KRT75: variants seen among roughly 807,000 people sequenced by gnomAD.
KRT75 encodes keratin, type II cytoskeletal 75.
A neutral mutation model predicts 48.8 loss-of-function variants in KRT75; 35 were observed. The observed-to-expected ratio is 0.72, with a 90% CI of 0.55 to 0.95. The LOEUF is 0.95. Among genes scored for constraint, KRT75 ranks in the 40% least tolerant of loss-of-function variants. The pLI, the probability that KRT75 is intolerant of heterozygous loss-of-function variation, is 0.00. For missense variants in KRT75, 776 were observed against 709.9 expected (o/e 1.09, Z -1.06); for synonymous variants, 301 against 282.3 (o/e 1.07, Z -0.66).
chr12:52,428,571 A>G, intron 6 of KRT75, 47 bp downstream of exon 6: 1 of 1,614,158 alleles, frequency 6.2e-7, no homozygotes, highest in South Asian at 1.1e-5. Context: ...AGAAAGGCCC[A>G]GAAGAAATGA....
intron 5 of KRT75, among the ~76,000 whole-genome samples, chr12:52,429,680 G>A (rs764328919): frequency 2.6e-5 from 4 of 152,070 alleles, no homozygotes; most frequent in Non-Finnish European, 4.4e-5. Flanking sequence ...TCCTTTCACC[G>A]TCAAGGCGCT....
intron 7 of KRT75, 91 bp from the exon 8 acceptor site, chr12:52,426,942 G>A: frequency 9.3e-7 from 1 of 1,075,598 alleles, no homozygotes; most frequent in Non-Finnish European, 1.4e-6. Flanking sequence ...TGTTGACAAA[G>A]CATTTAAACA....
chr12:52,431,226 G>A (rs1274056784), intron 4 of KRT75, among the ~76,000 whole-genome samples: 2 of 152,066 alleles, frequency 1.3e-5, no homozygotes, highest in African/African-American at 4.8e-5. Context: ...TCAGGGAAGG[G>A]GAAGGGAGCA....
chr12:52,428,878 A>G, intron 5 of KRT75, 135 bp from the exon 6 acceptor site: 1 of 1,058,794 alleles, frequency 9.4e-7, no homozygotes, highest in Non-Finnish European at 1.5e-6. Flanking sequence ...CCTGAAGCTT[A>G]CAGTTTATTG....
chr12:52,428,025 T>A, intron 7 of KRT75: 1 of 596,122 alleles, frequency 1.7e-6, no homozygotes, highest in Non-Finnish European at 2.9e-6. Context: ...ATTCAGTTAC[T>A]TAGACCTGAT....
chr12:52,424,945 C>A (rs962479326), intron 8 of KRT75, among the ~76,000 whole-genome samples, 190 bp from the exon 9 acceptor site: 3 of 152,186 alleles, frequency 2.0e-5, no homozygotes, highest in African/African-American at 7.2e-5. Flanking sequence ...TCCAGGCAGC[C>A]TCTTAGGCTG....
intron 8 of KRT75, 92 bp downstream of exon 8, chr12:52,426,725 C>A (rs546350698): frequency 1.6e-6 from 2 of 1,278,390 alleles, no homozygotes; most frequent in Admixed American, 3.4e-5. Flanking sequence ...CCCGTCTAAC[C>A]CGTCATATCT....
chr12:52,430,406 A>G (rs967030551), intron 5 of KRT75, 135 bp downstream of exon 5: 14 of 939,198 alleles, frequency 1.5e-5, no homozygotes, highest in Non-Finnish European at 2.1e-5. Context: ...CTAAGTTGTC[A>G]TAGCATCAAA....
At chr12:52,433,542 C>A (rs1381355468) in intron 1 of KRT75, among the ~76,000 whole-genome samples, 1 of 152,128 alleles carries the variant, frequency 6.6e-6, no homozygotes, top group African/African-American at 2.4e-5. Flanking sequence ...TGCTGAGCAG[C>A]AACTCTCCTG....
In KRT75 at chr12:52,426,860, G is replaced by T; in HGVS notation, c.1383-9C>A. 6.2e-7 allele frequency: 1 copy of T among 1,613,762 alleles called. No individual in the cohort carries two copies. Among genetic ancestry groups the T allele is most frequent in the Non-Finnish European group, 8.5e-7 (1 of 1,179,646 alleles). On this transcript the variant is annotated splice_polypyrimidine_tract_variant and intron_variant, in intron 7 of 8. Coordinates refer to ENST00000252245, the MANE Select transcript of KRT75 (RefSeq NM_004693.3). ...CTCCCTCTCCACTCAACCTGATTGG[G>T]AAGAGCAGGGAGAAGGAAGGTTACC...
intron 3 of KRT75, 81 bp downstream of exon 3, chr12:52,431,925 C>T: frequency 7.3e-7 from 1 of 1,370,466 alleles, no homozygotes; most frequent in Non-Finnish European, 1.0e-6. Flanking sequence ...TCTTGGGTGG[C>T]CCAAGGGTCA....
At chr12:52,425,741 T>C (rs1189499289) in intron 8 of KRT75, among the ~76,000 whole-genome samples, 1 of 152,174 alleles carries the variant, frequency 6.6e-6, no homozygotes, top group Admixed American at 6.5e-5. Flanking sequence ...CCCTGCATGA[T>C]ATACAGAGCA....
intron 1 of KRT75, among the ~76,000 whole-genome samples, 176 bp downstream of exon 1, chr12:52,433,631 G>A (rs960261738): frequency 7.2e-5 from 11 of 152,174 alleles, no homozygotes; most frequent in Non-Finnish European, 1.5e-4. Context: ...ATTTCTACCA[G>A]GTCCTGTGGG....
chr12:52,428,934 T>C (rs551486808), intron 5 of KRT75, among the ~76,000 whole-genome samples, 191 bp from the exon 6 acceptor site: 2 of 152,348 alleles, frequency 1.3e-5, no homozygotes, highest in South Asian at 4.1e-4. Context: ...AAATGTATAG[T>C]TCCACACTAA....
chr12:52,434,272 A>ATGT lies in KRT75; in HGVS notation c.32_33insACA (p.Ser11_Gly12insHis). On this transcript the variant is annotated inframe_insertion, in exon 1 of 9. Coordinates refer to ENST00000252245, the MANE Select transcript of KRT75 (RefSeq NM_004693.3). ...TGGTGCTGAAGCCCCTGCGGCTGCC[A>ATGT]GACTGGAAGGTGATGGAGGACTGCC... 6.3e-7 allele frequency: 1 copy of ATGT among 1,587,476 alleles called. No homozygotes were observed. Among genetic ancestry groups the ATGT allele is most frequent in the South Asian group, 1.1e-5 (1 of 87,730 alleles).
At chr12:52,427,692 G>A (rs768865973) in intron 7 of KRT75, among the ~76,000 whole-genome samples, 1 of 152,170 alleles carries the variant, frequency 6.6e-6, no homozygotes, top group Middle Eastern at 3.2e-3. Flanking sequence ...AATAATGTGA[G>A]AGTTTAGAAC....
intron 3 of KRT75, 141 bp from the exon 4 acceptor site, chr12:52,431,779 G>T: frequency 1.3e-6 from 1 of 788,890 alleles, no homozygotes; most frequent in South Asian, 1.6e-5. Context: ...GTTGGGGATG[G>T]GTAATTACGG....
At chr12:52,429,194 G>A (rs116359231) in intron 5 of KRT75, among the ~76,000 whole-genome samples, 4 of 152,204 alleles carry the variant, frequency 2.6e-5, no homozygotes, top group African/African-American at 4.8e-5. Flanking sequence ...GGAGTGAGAC[G>A]GTGATTTGAT....
In KRT75 at chr12:52,424,569, C is replaced by G. The variant is rs1338694852; in HGVS notation, c.1604G>C (p.Ser535Thr). 6.2e-7 allele frequency: 1 copy of G among 1,614,054 alleles called. No individual in the cohort carries two copies. The highest frequency in any genetic ancestry group is 2.2e-5 in the East Asian group (1 of 44,878). ...SNRGLGGSGSSVKFVSTTSSS... is the reference protein window; with the variant it reads ...SNRGLGGSGSTVKFVSTTSSS... ...GGATGTGGTGGAGACAAACTTGACG[C>G]TAGAACCACTGCCCCCTAAGCCCCG... The change falls in exon 9 of 9, where the codon AGC (serine) becomes ACC (threonine). Residue 535 changes from serine to threonine, a missense_variant. Transcript: ENST00000252245.
Sources: gnomAD v4.1 joint callset for allele counts (sites outside exome capture counted in the v4.1 genomes callset) on GRCh38, gnomAD v4.1.1 for gene constraint, MANE v1.5 for transcripts, NCBI Gene and HGNC (gene_info 2026-07-23, HGNC 2026-07-21) for gene names.